SGCZ: variants seen among roughly 807,000 people sequenced by gnomAD.
SGCZ encodes the protein zeta-sarcoglycan.
In SGCZ, 40 loss-of-function variants were observed where a neutral mutation model predicts 41.3. The observed-to-expected ratio is 0.97, with a 90% CI of 0.75 to 1.26. The LOEUF is 1.26. SGCZ is among the 50% of genes most tolerant of loss of function. The pLI, the probability that SGCZ is intolerant of heterozygous loss-of-function variation, is 0.00. For missense variants in SGCZ, 552 were observed against 369.8 expected (o/e 1.49, Z -4.04); for synonymous variants, 206 against 137.5 (o/e 1.50, Z -3.49).
chr8:14,944,367 C>A (rs1800373700), intron 1 of SGCZ, among the ~76,000 whole-genome samples: 1 of 152,248 alleles, frequency 6.6e-6, no homozygotes, highest in Admixed American at 6.5e-5. Context: ...TTGGTGACCA[C>A]ATTTTCTGAA....
At chr8:14,358,879 G>A (rs1025828835) in intron 2 of SGCZ, among the ~76,000 whole-genome samples, 2 of 152,184 alleles carry the variant, frequency 1.3e-5, no homozygotes, top group Admixed American at 1.3e-4. Flanking sequence ...AAAGTGCTAG[G>A]ATTACAGACG....
intron 5 of SGCZ, among the ~76,000 whole-genome samples, chr8:14,130,677 T>C (rs925817028): frequency 6.6e-6 from 1 of 152,156 alleles, no homozygotes; most frequent in African/African-American, 2.4e-5. Flanking sequence ...ATCATTTATT[T>C]TCTAACGAAA....
At chr8:14,424,276 T>C (rs1184516142) in intron 2 of SGCZ, among the ~76,000 whole-genome samples, 2 of 152,186 alleles carry the variant, frequency 1.3e-5, no homozygotes, top group Non-Finnish European at 2.9e-5. Context: ...GTGCTAAAGC[T>C]AGTTTTTCTC....
chr8:15,072,426 C>T (rs985738529), intron 1 of SGCZ, among the ~76,000 whole-genome samples: 1 of 152,192 alleles, frequency 6.6e-6, no homozygotes, highest in African/African-American at 2.4e-5. Context: ...CCAAATTCCT[C>T]CCATTAATTT....
chr8:14,397,873 A>G (rs533346136), intron 2 of SGCZ, among the ~76,000 whole-genome samples: 3 of 152,244 alleles, frequency 2.0e-5, no homozygotes, highest in East Asian at 3.9e-4. Flanking sequence ...TGGACACTTA[A>G]GTTTCCTTCT....
At chr8:14,424,483 T>G (rs1037499021) in intron 2 of SGCZ, among the ~76,000 whole-genome samples, 2 of 152,204 alleles carry the variant, frequency 1.3e-5, no homozygotes, top group Non-Finnish European at 2.9e-5. Context: ...AAAGCTTATT[T>G]TTCTCTGTGA....
chr8:15,124,658 T>C (rs1237567793), intron 1 of SGCZ, among the ~76,000 whole-genome samples: 2 of 152,190 alleles, frequency 1.3e-5, no homozygotes, highest in East Asian at 3.8e-4. Context: ...TCCTGCCAAT[T>C]CTTATGAGTT....
At chr8:14,161,048 T>C (rs1166041600) in intron 5 of SGCZ, among the ~76,000 whole-genome samples, 1 of 152,228 alleles carries the variant, frequency 6.6e-6, no homozygotes, top group Admixed American at 6.5e-5. Flanking sequence ...TTCACACATA[T>C]CTGTCATCAC....
chr8:14,633,030 A>G (rs770195056), intron 1 of SGCZ, among the ~76,000 whole-genome samples: 4 of 152,012 alleles, frequency 2.6e-5, no homozygotes, highest in Non-Finnish European at 4.4e-5. Flanking sequence ...CAAAATAGGT[A>G]GAGAAGTGAT....
chr8:14,589,191 A>C (rs760209564), intron 1 of SGCZ, among the ~76,000 whole-genome samples: 2 of 151,928 alleles, frequency 1.3e-5, no homozygotes, highest in Non-Finnish European at 2.9e-5. Flanking sequence ...AATATAATAA[A>C]AAAAACGAGC....
chr8:14,560,855 T>C (rs912084121), intron 1 of SGCZ, among the ~76,000 whole-genome samples: 19 of 148,846 alleles, frequency 1.3e-4, no homozygotes, highest in Admixed American at 1.0e-3. Context: ...AGAAAAGTTG[T>C]GAAAAAAACA....
chr8:14,961,180 C>T (rs1412295241), intron 1 of SGCZ, among the ~76,000 whole-genome samples: 3 of 152,090 alleles, frequency 2.0e-5, no homozygotes, highest in Admixed American at 2.0e-4. Flanking sequence ...CTTAAACAAT[C>T]TGCTGACCTT....
intron 3 of SGCZ, among the ~76,000 whole-genome samples, chr8:14,297,760 G>T (rs1027478026): frequency 6.6e-6 from 1 of 152,012 alleles, no homozygotes; most frequent in African/African-American, 2.4e-5. Context: ...TGGGAAGAAA[G>T]CTCAGTTGGT....
At chr8:15,054,599 T>C (rs1457109505) in intron 1 of SGCZ, among the ~76,000 whole-genome samples, 1 of 152,196 alleles carries the variant, frequency 6.6e-6, no homozygotes, top group Non-Finnish European at 1.5e-5. Context: ...AATACTTGAA[T>C]GTGTTAGCTC....
intron 1 of SGCZ, among the ~76,000 whole-genome samples, chr8:14,603,766 A>G (rs1805664118): frequency 6.6e-6 from 1 of 152,122 alleles, no homozygotes; most frequent in East Asian, 1.9e-4. Context: ...CTTTCTCCCA[A>G]AAAATTATAC....
At chr8:14,108,750 C>A (rs936932314) in intron 5 of SGCZ, among the ~76,000 whole-genome samples, 3 of 152,096 alleles carry the variant, frequency 2.0e-5, no homozygotes, top group Admixed American at 6.5e-5. Flanking sequence ...TATCACCAGG[C>A]AGGGAAGAGT....
At position 15,153,443 on chromosome 8, in the gene SGCZ, C is replaced by T. The variant is rs79519340; in HGVS notation, c.39+84142G>A. Among the ~76,000 whole-genome samples the T allele has an allele frequency of 3.5e-4, 53 of 152,314 alleles. No individual in the cohort carries two copies. In the East Asian group the frequency reaches 9.8e-3, roughly 28 times the overall value. ...CCAGACAGCTTGCCAGACAGAGAGACACATCACAGAGTCTGTATTAGTCAG... is the reference window on the plus strand; with the variant it reads ...CCAGACAGCTTGCCAGACAGAGAGATACATCACAGAGTCTGTATTAGTCAG... On this transcript the variant is annotated intron_variant, in intron 1 of 7. Transcript: ENST00000382080.
chr8:14,565,942 T>A (rs922197638), intron 1 of SGCZ, among the ~76,000 whole-genome samples: 3 of 152,212 alleles, frequency 2.0e-5, no homozygotes, highest in African/African-American at 4.8e-5. Flanking sequence ...ACCAGATTCA[T>A]GTAAATTATT....
intron 1 of SGCZ, among the ~76,000 whole-genome samples, chr8:15,182,372 A>G (rs1457841091): frequency 2.0e-5 from 3 of 152,176 alleles, no homozygotes; most frequent in Admixed American, 6.5e-5. Context: ...TCATTGTGAA[A>G]ACAACATAGG....
Sources: allele counts gnomAD v4.1 joint callset (sites outside exome capture counted in the v4.1 genomes callset), GRCh38; gene constraint gnomAD v4.1.1; transcripts MANE v1.5; gene names NCBI Gene and HGNC (gene_info 2026-07-23, HGNC 2026-07-21).